Variants in PRIM2 observed in about 807,000 individuals in gnomAD.
PRIM2 encodes DNA primase large subunit.
PRIM2 carries 39 observed loss-of-function variants against 67.3 expected under a neutral mutation model. That is an observed-to-expected ratio of 0.58 (90% CI 0.45 to 0.76). The LOEUF (loss-of-function observed/expected upper bound fraction) is 0.76. PRIM2 is among the 30% of genes least tolerant of loss of function. PRIM2 has a pLI of 0.00. For synonymous variants in PRIM2, 143 were observed against 198.7 expected, an observed-to-expected ratio of 0.72 and a Z score of 2.36; for missense variants, 398 against 598.7, an observed-to-expected ratio of 0.66 and a Z score of 3.50.
intron 12 of PRIM2, among the ~76,000 whole-genome samples, chr6:57,627,812 A>C (rs1776978795): frequency 6.6e-6 from 1 of 152,244 alleles, no homozygotes; most frequent in Non-Finnish European, 1.5e-5. Flanking sequence ...TCATACTGCC[A>C]TTTGTATAAT....
At chr6:57,613,373 A>T (rs1349363472) in intron 12 of PRIM2, among the ~76,000 whole-genome samples, 2 of 152,174 alleles carry the variant, frequency 1.3e-5, no homozygotes, top group Non-Finnish European at 2.9e-5. Flanking sequence ...TTTTCCTTGG[A>T]TACATTACTT....
intron 10 of PRIM2, chr6:57,587,216 G>A (rs1327424232): frequency 1.3e-5 from 2 of 152,244 alleles, no homozygotes; most frequent in Non-Finnish European, 2.9e-5. Flanking sequence ...TTGGATTACA[G>A]TGGAGTCTTC....
chr6:57,499,935 T>C (rs1774095161), intron 7 of PRIM2, among the ~76,000 whole-genome samples: 1 of 152,226 alleles, frequency 6.6e-6, no homozygotes, highest in Admixed American at 6.5e-5. Flanking sequence ...TGTAAATCTC[T>C]CCTGGTCTCT....
At chr6:57,383,573 C>G (rs972266174) in intron 7 of PRIM2, 2 of 75,248 alleles carry the variant, frequency 2.7e-5, no homozygotes, top group African/African-American at 1.1e-4. Flanking sequence ...GTTTTTCTTG[C>G]TAAAAAAAAA....
chr6:57,608,789 T>C (rs1196384341), intron 12 of PRIM2, among the ~76,000 whole-genome samples: 5 of 151,876 alleles, frequency 3.3e-5, no homozygotes, highest in Non-Finnish European at 5.9e-5. Flanking sequence ...GGATTGTTCA[T>C]TTCCTGGTTT....
the PRIM2 span, among the ~76,000 whole-genome samples, chr6:57,236,985 G>A: frequency 5.9e-5 from 9 of 152,206 alleles, no homozygotes; most frequent in South Asian, 6.3e-4. Flanking sequence ...TTGAGGAATC[G>A]CCACACTATC....
At chr6:57,311,955 G>T (rs1465081560), upstream of PRIM2, among the ~76,000 whole-genome samples, 2 of 145,528 alleles carry the variant, frequency 1.4e-5, no homozygotes, top group Middle Eastern at 3.5e-3. Flanking sequence ...AGGTTGCAGC[G>T]AGCCGAGATC....
chr6:57,260,282 A>G, the PRIM2 span, among the ~76,000 whole-genome samples: 5 of 152,238 alleles, frequency 3.3e-5, no homozygotes, highest in Admixed American at 2.0e-4. Context: ...GTCTTAATGT[A>G]TATCTAAACC....
At chr6:57,601,009 C>T (rs1776454509) in intron 10 of PRIM2, 84 bp from the exon 11 acceptor site, 6 of 1,302,306 alleles carry the variant, frequency 4.6e-6, no homozygotes, top group Non-Finnish European at 6.2e-6. Flanking sequence ...TCGCTTTGCA[C>T]TCTTTGATTC....
At chr6:57,473,837 G>T (rs1773397254) in intron 7 of PRIM2, among the ~76,000 whole-genome samples, 1 of 152,020 alleles carries the variant, frequency 6.6e-6, no homozygotes. Flanking sequence ...AGGTCTCTTT[G>T]CTAAACTTGA....
At chr6:57,449,115 T>A (rs1204173766) in intron 7 of PRIM2, among the ~76,000 whole-genome samples, 1 of 152,166 alleles carries the variant, frequency 6.6e-6, no homozygotes, top group Non-Finnish European at 1.5e-5. Context: ...TTGTATGAAA[T>A]TTTTTTAAAA....
upstream of PRIM2, among the ~76,000 whole-genome samples, chr6:57,311,710 T>G (rs1040361078): frequency 6.6e-6 from 1 of 151,572 alleles, no homozygotes; most frequent in African/African-American, 2.4e-5. Context: ...CGAGCCGAGA[T>G]CAAGCCACTG....
chr6:57,542,288 C>A (rs1775177100), intron 10 of PRIM2, among the ~76,000 whole-genome samples: 2 of 152,184 alleles, frequency 1.3e-5, no homozygotes, highest in East Asian at 3.9e-4. Context: ...GGCTGGTGAG[C>A]TGGGTTGTTT....
the PRIM2 span, among the ~76,000 whole-genome samples, chr6:57,226,719 G>A: frequency 1.3e-5 from 2 of 152,180 alleles, no homozygotes; most frequent in African/African-American, 4.8e-5. Flanking sequence ...ATGGAAGGCC[G>A]GTTCAGGCAA....
intron 13 of PRIM2, among the ~76,000 whole-genome samples, chr6:57,638,576 CAAAAAAA>C (rs1227220865): frequency 1.9e-4 from 6 of 32,034 alleles, no homozygotes; most frequent in South Asian, 1.8e-3. Context: ...AAACAGAAAG[CAAAAAAA>C]AAAAAAAAAA....
chr6:57,497,540 C>A (rs1253674150), intron 7 of PRIM2: 2 of 152,094 alleles, frequency 1.3e-5, no homozygotes, highest in African/African-American at 4.8e-5. Context: ...TCATCCAGAC[C>A]CCTGAACTGG....
At position 57,391,117 on chromosome 6, in the gene PRIM2, T is replaced by G. The variant is rs547755013; in HGVS notation, c.693+8949T>G. On this transcript the variant is annotated intron_variant, in intron 7 of 13. Transcript: ENST00000615550. ...GATGGTATCTCATTGTGGTTTTGAT[T>G]TGCATTTCTCTAATGATCAATTGAT... 9.2e-3 allele frequency among the ~76,000 whole-genome samples: 847 copies of G among 91,626 alleles called. 3 individuals carry two copies. Among genetic ancestry groups the G allele is most frequent in the Non-Finnish European group, 0.012 (540 of 44,886 alleles). 60.1% of individuals were successfully genotyped at this position (91,626 alleles called of 152,430 possible). A position where few individuals can be genotyped will look rare whatever the true frequency, so the allele number is the denominator to read the frequency against.
At chr6:57,550,176 T>G (rs1197777357) in intron 10 of PRIM2, among the ~76,000 whole-genome samples, 2 of 152,196 alleles carry the variant, frequency 1.3e-5, no homozygotes, top group Non-Finnish European at 2.9e-5. Flanking sequence ...AAAGGTACTC[T>G]TAACAGCTAC....
intron 7 of PRIM2, among the ~76,000 whole-genome samples, chr6:57,490,451 A>G (rs1554345877): frequency 3.2e-4 from 48 of 152,324 alleles, no homozygotes; most frequent in African/African-American, 1.1e-3. Context: ...TATATGGAGA[A>G]TACAGCCACT....
Sources: gnomAD v4.1 joint callset for allele counts (sites outside exome capture counted in the v4.1 genomes callset) on GRCh38, gnomAD v4.1.1 for gene constraint, MANE v1.5 for transcripts, NCBI Gene and HGNC (gene_info 2026-07-23, HGNC 2026-07-21) for gene names.